Variants in EYA4 observed in about 807,000 individuals in gnomAD.
EYA4 encodes EYA transcriptional coactivator and phosphatase 4, also known as protein phosphatase EYA4.
EYA4 carries 31 observed loss-of-function variants against 87.9 expected under a neutral mutation model. That is an observed-to-expected ratio of 0.35 (90% CI 0.27 to 0.48). The LOEUF (loss-of-function observed/expected upper bound fraction) is 0.48. Among genes scored for constraint, EYA4 ranks in the 20% least tolerant of loss-of-function variants. The probability of loss-of-function intolerance (pLI) is 0.99; values close to 1 mark genes in which losing one functional copy is unlikely to be tolerated. For missense variants in EYA4, 678 were observed against 761.4 expected (o/e 0.89, Z 1.29); for synonymous variants, 263 against 270.6 (o/e 0.97, Z 0.28).
chr6:133,319,673 C>T (rs1293602131), intron 2 of EYA4, among the ~76,000 whole-genome samples: 1 of 150,868 alleles, frequency 6.6e-6, no homozygotes, highest in East Asian at 1.9e-4. Flanking sequence ...AAGGGTGTCT[C>T]TTCTATGCAG....
chr6:133,414,122 T>C (rs779979678), intron 3 of EYA4, among the ~76,000 whole-genome samples: 1 of 152,210 alleles, frequency 6.6e-6, no homozygotes, highest in Non-Finnish European at 1.5e-5. Context: ...TTTTCTCTTC[T>C]AATCTATGCA....
intron 2 of EYA4, among the ~76,000 whole-genome samples, chr6:133,308,882 A>G (rs1780007886): frequency 1.3e-5 from 2 of 152,174 alleles, no homozygotes; most frequent in Non-Finnish European, 2.9e-5. Flanking sequence ...AAACTTAAAT[A>G]CAACTATGTA....
intron 17 of EYA4, among the ~76,000 whole-genome samples, chr6:133,520,144 G>T (rs967110826): frequency 6.6e-6 from 1 of 152,056 alleles, no homozygotes; most frequent in African/African-American, 2.4e-5. Context: ...GGGCAATTAG[G>T]CAGGAGAAAG....
intron 3 of EYA4, among the ~76,000 whole-genome samples, chr6:133,429,542 G>C (rs1004775825): frequency 1.6e-4 from 24 of 152,240 alleles, no homozygotes; most frequent in East Asian, 1.9e-4. Flanking sequence ...GAGGGGAAAA[G>C]TAGTTATGAG....
At chr6:133,301,267 C>G (rs1296930431) in intron 2 of EYA4, among the ~76,000 whole-genome samples, 1 of 152,026 alleles carries the variant, frequency 6.6e-6, no homozygotes. Context: ...TTAAGGAAAA[C>G]CTGATGAATG....
rs71771244 is a variant in EYA4 at position 133,294,023 on chromosome 6, TTATATATATATATATA to T, written c.33+19235_33+19250del. ...AATTCCTGTGCTCCCTAGGGTGATT[TTATATATATATATATA>T]TATATATATATATATATATATATAA... On this transcript the variant is annotated intron_variant, in intron 2 of 19. Coordinates refer to ENST00000355286, the MANE Select transcript of EYA4 (RefSeq NM_004100.5). Among the ~76,000 whole-genome samples the T allele has an allele frequency of 8.0e-4, 63 of 78,782 alleles. 2 individuals are homozygous for T. Among genetic ancestry groups the T allele is most frequent in the East Asian group, 5.9e-3 (18 of 3,030 alleles). 51.7% of individuals were successfully genotyped at this position (78,782 alleles called of 152,430 possible). A position where few individuals can be genotyped will look rare whatever the true frequency, so the allele number is the denominator to read the frequency against.
chr6:133,526,636 G>T (rs542783336), intron 19 of EYA4, among the ~76,000 whole-genome samples: 1 of 152,260 alleles, frequency 6.6e-6, no homozygotes, highest in South Asian at 2.1e-4. Flanking sequence ...AATGACCCAA[G>T]ACAGCACACT....
rs894065195 is a variant in EYA4 at position 133,529,604 on chromosome 6, G to T, written c.*799G>T. 2.1e-5 allele frequency: 21 copies of T among 984,682 alleles called. No homozygotes were observed. The highest frequency in any genetic ancestry group is 2.4e-5 in the Non-Finnish European group (20 of 829,660). The allele number at this position is 984,682 out of a possible 1,614,324, so 61.0% of individuals were successfully genotyped here. A position where few individuals can be genotyped will look rare whatever the true frequency, so the allele number is the denominator to read the frequency against. ...GTCAAGCTCTCAGAGCTTAATTACC[G>T]CATCAGCAAGAAACTGAGTATTTTT... On this transcript the variant is annotated 3_prime_UTR_variant, in exon 20 of 20. Coordinates refer to ENST00000355286, the MANE Select transcript of EYA4 (RefSeq NM_004100.5).
At chr6:133,268,474 T>C (rs561255641) in intron 1 of EYA4, among the ~76,000 whole-genome samples, 76 of 152,280 alleles carry the variant, frequency 5.0e-4, no homozygotes, top group African/African-American at 1.7e-3. Flanking sequence ...TAATTTGTTA[T>C]CAAGGTAATG....
intron 2 of EYA4, among the ~76,000 whole-genome samples, chr6:133,381,075 CTTTTTT>C (rs5880181): frequency 3.1e-5 from 3 of 96,820 alleles, no homozygotes; most frequent in Non-Finnish European, 5.8e-5. Context: ...TTTTTTTTTT[CTTTTTT>C]TTTTTTTTTT....
chr6:133,297,034 CATTA>C (rs1242623796), intron 2 of EYA4, among the ~76,000 whole-genome samples: 2 of 152,218 alleles, frequency 1.3e-5, no homozygotes, highest in African/African-American at 2.4e-5. Context: ...CTAATTCTTG[CATTA>C]ATTCTTTCTG....
At chr6:133,287,227 G>GA (rs1201950604) in intron 2 of EYA4, among the ~76,000 whole-genome samples, 2 of 152,106 alleles carry the variant, frequency 1.3e-5, no homozygotes, top group Non-Finnish European at 2.9e-5. Context: ...ATTTAAGCAA[G>GA]AAAGCAAAAT....
intron 2 of EYA4, among the ~76,000 whole-genome samples, chr6:133,380,984 CT>C (rs1450608387): frequency 1.4e-5 from 2 of 147,466 alleles, no homozygotes; most frequent in Non-Finnish European, 3.0e-5. Context: ...TCTCTTTTTC[CT>C]TTTCTTCCTC....
chr6:133,257,759 C>T (rs769811980), intron 1 of EYA4, among the ~76,000 whole-genome samples: 8 of 152,134 alleles, frequency 5.3e-5, no homozygotes, highest in Non-Finnish European at 1.0e-4. Flanking sequence ...ATTCTGTTTG[C>T]CTGATTCAAT....
At chr6:133,275,379 C>T (rs1777078180) in intron 2 of EYA4, among the ~76,000 whole-genome samples, 2 of 152,100 alleles carry the variant, frequency 1.3e-5, no homozygotes, top group Admixed American at 1.3e-4. Flanking sequence ...GACAGTAGTT[C>T]TTTAGCGTGT....
intron 11 of EYA4, among the ~76,000 whole-genome samples, chr6:133,475,054 T>C (rs1795606826): frequency 6.6e-6 from 1 of 152,114 alleles, no homozygotes; most frequent in Non-Finnish European, 1.5e-5. Context: ...TATTCAATCA[T>C]GTATAGTATT....
At chr6:133,381,575 A>G (rs1309333215) in intron 2 of EYA4, among the ~76,000 whole-genome samples, 3 of 152,184 alleles carry the variant, frequency 2.0e-5, no homozygotes, top group Non-Finnish European at 4.4e-5. Context: ...AGTTATTGAA[A>G]TATGAACACC....
At position 133,283,293 on chromosome 6, in the gene EYA4, C is replaced by CAAT. The variant is rs1231422715; in HGVS notation, c.33+8497_33+8499dup. Among the ~76,000 whole-genome samples, 618 of 150,482 alleles carry CAAT rather than the reference C, an allele frequency of 4.1e-3. 6 individuals are homozygous for CAAT. The highest frequency in any genetic ancestry group is 0.014 in the African/African-American group (571 of 41,008). On this transcript the variant is annotated intron_variant, in intron 2 of 19. Coordinates refer to ENST00000355286, the MANE Select transcript of EYA4 (RefSeq NM_004100.5). ...TGAGCGACAGAGCAAGATTCTGTCT[C>CAAT]AATAATAATAATAATAATATAAAAA...
rs1200331687 is a variant in EYA4 at position 133,513,107 on chromosome 6, G to A, written c.1501+69G>A. 19 of 1,427,462 alleles carry A rather than the reference G, an allele frequency of 1.3e-5. No individual in the cohort carries two copies. In the East Asian group the frequency reaches 3.4e-4, roughly 26 times the overall value. The allele number at this position is 1,427,462 out of a possible 1,614,324, so 88.4% of individuals were successfully genotyped here. Reference sequence around the variant, plus strand: ...GGTAGAATTCAATCTGTAGTTTCATGTTAAAGATGATTCTGCTGTAAAAGA... The same window carrying A: ...GGTAGAATTCAATCTGTAGTTTCATATTAAAGATGATTCTGCTGTAAAAGA... On this transcript the variant is annotated intron_variant, in intron 16 of 19. Coordinates refer to ENST00000355286, the MANE Select transcript of EYA4 (RefSeq NM_004100.5).
Sources: gnomAD v4.1 joint callset for allele counts (sites outside exome capture counted in the v4.1 genomes callset) on GRCh38, gnomAD v4.1.1 for gene constraint, MANE v1.5 for transcripts, NCBI Gene and HGNC (gene_info 2026-07-23, HGNC 2026-07-21) for gene names.